Variants in KDM3B observed in about 807,000 individuals in gnomAD.
KDM3B encodes the protein lysine demethylase 3B, also known as lysine-specific demethylase 3B.
In KDM3B, 10 loss-of-function variants were observed where a neutral mutation model predicts 170.0. The ratio of observed to expected loss-of-function variants is 0.06; its 90% CI spans 0.04 to 0.10. KDM3B has a LOEUF of 0.10. Among genes scored for constraint, KDM3B ranks in the 10% least tolerant of loss-of-function variants. The pLI is 1.00. For missense variants in KDM3B, 1,394 were observed against 2,195.2 expected, an observed-to-expected ratio of 0.64 and a Z score of 7.29; for synonymous variants, 831 against 834.8, an observed-to-expected ratio of 1.00 and a Z score of 0.08.
At chr5:138,418,836 C>G in intron 13 of KDM3B, 117 bp from the exon 14 acceptor site, 1 of 953,044 alleles carries the variant, frequency 1.0e-6, no homozygotes, top group East Asian at 2.4e-5. Context: ...GTATGAAATG[C>G]CAGTTTACAT....
At position 138,419,091 on chromosome 5, in the gene KDM3B, C is replaced by T. The variant is rs1229551580; in HGVS notation, c.3574C>T (p.Leu1192=). ...DSTDIRSEEP[L]KTDSSASNSN... ...CACTGACATCAGATCTGAAGAGCCT[C>T]TGAAAACAGACAGTTCGGCATCAAA... The change falls in exon 14 of 24, where the codon CTG becomes TTG. Residue 1192 remains leucine (L), a synonymous_variant. Transcript: ENST00000314358. 4 of 1,614,114 alleles carry T rather than the reference C, an allele frequency of 2.5e-6. No individual in the cohort carries two copies. In the African/African-American group the frequency reaches 5.3e-5, roughly 22 times the overall value.
rs537065432 is a variant in KDM3B, at chr5:138,407,556, G to C, written c.3199+7544G>C. On this transcript the variant is annotated intron_variant, in intron 11 of 23. Transcript: ENST00000314358. The stretch of plus-strand genomic sequence containing the variant: ...CCTGGCACGAGATGATGAACCTCAG[G>C]TATTTACCCCAGACAACGTAGCTGC... Among the ~76,000 whole-genome samples, 3 of 152,114 alleles carry C rather than the reference G, an allele frequency of 2.0e-5. No individual in the cohort carries two copies. In the South Asian group the frequency reaches 6.2e-4, roughly 32 times the overall value.
At chr5:138,395,410 G>A (rs771473466) in intron 9 of KDM3B, among the ~76,000 whole-genome samples, 4 of 152,130 alleles carry the variant, frequency 2.6e-5, no homozygotes, top group African/African-American at 9.7e-5. Flanking sequence ...AGGCAGTGAG[G>A]TATCCCAGAA....
rs1763596113 is a variant in KDM3B at position 138,433,627 on chromosome 5, T to C, written c.5206-1993T>C. Among the ~76,000 whole-genome samples, 5 of 151,988 alleles carry C rather than the reference T, an allele frequency of 3.3e-5. 1 individual carries two copies. The highest frequency in any genetic ancestry group is 3.3e-4 in the Admixed American group (5 of 15,270). The stretch of plus-strand genomic sequence containing the variant: ...TTTCACCATTTTGGCAAGGCTGGTC[T>C]CGAACTCCCGACCTCAGGTGATCTG... On this transcript the variant is annotated intron_variant, in intron 23 of 23. Transcript: ENST00000314358.
chr5:138,422,819 A>G (rs1350061475), intron 15 of KDM3B, among the ~76,000 whole-genome samples: 1 of 152,210 alleles, frequency 6.6e-6, no homozygotes, highest in Non-Finnish European at 1.5e-5. Context: ...ATGTCCTGCA[A>G]ATCATTTCAA....
At chr5:138,367,930 T>C (rs1436634723) in intron 1 of KDM3B, among the ~76,000 whole-genome samples, 2 of 151,944 alleles carry the variant, frequency 1.3e-5, no homozygotes, top group Non-Finnish European at 2.9e-5. Flanking sequence ...GGAGAATCAC[T>C]TGAACCTGGG....
rs1254596643 is a variant in KDM3B at position 138,372,841 on chromosome 5, G to C, written c.360G>C (p.Leu120=). 1.2e-6 allele frequency: 2 copies of C among 1,611,556 alleles called. No homozygotes were observed. Among genetic ancestry groups the C allele is most frequent in the African/African-American group, 2.7e-5 (2 of 74,914 alleles). The change falls in exon 2 of 24, where the codon CTG becomes CTC. Residue 120 remains leucine, a splice_region_variant and synonymous_variant. Coordinates refer to ENST00000314358, the MANE Select transcript of KDM3B (RefSeq NM_016604.4). Reference sequence around the variant, plus strand: ...TCTCCATTGCACAATGGCCAGCCCTGGTGAGTGGCTTTTACTGGGTGGGAA... The same window carrying C: ...TCTCCATTGCACAATGGCCAGCCCTCGTGAGTGGCTTTTACTGGGTGGGAA... ...IRVSIAQWPA[L]TFTPLVDKLG...
At chr5:138,401,196 G>A (rs957286704) in intron 11 of KDM3B, among the ~76,000 whole-genome samples, 4 of 151,712 alleles carry the variant, frequency 2.6e-5, no homozygotes, top group African/African-American at 7.3e-5. Flanking sequence ...GCTTGAACCC[G>A]GGAGACGGAG....
At chr5:138,362,180 G>C (rs1761625487) in intron 1 of KDM3B, among the ~76,000 whole-genome samples, 1 of 151,906 alleles carries the variant, frequency 6.6e-6, no homozygotes, top group Non-Finnish European at 1.5e-5. Context: ...AATTAGCCGG[G>C]CATGGTGGCG....
In KDM3B at chr5:138,419,027, A is replaced by T. The variant is rs1763182482; in HGVS notation, c.3510A>T (p.Val1170=). 6.2e-7 allele frequency: 1 copy of T among 1,614,092 alleles called. No homozygotes were observed. Among genetic ancestry groups the T allele is most frequent in the African/African-American group, 1.3e-5 (1 of 74,930 alleles). The part of the protein sequence containing the change: ...TFSGGGGPAP[V]TTPEPDHVPK... ...CTGGTGGAGGAGGACCGGCACCAGTAACAACTCCAGAGCCGGACCATGTTC... is the reference window on the plus strand; with the variant it reads ...CTGGTGGAGGAGGACCGGCACCAGTTACAACTCCAGAGCCGGACCATGTTC... The change falls in exon 14 of 24, where the codon GTA becomes GTT. Residue 1170 remains valine (V), a synonymous_variant. Transcript: ENST00000314358.
chr5:138,354,038 C>G (rs1351071893), intron 1 of KDM3B, among the ~76,000 whole-genome samples: 1 of 152,092 alleles, frequency 6.6e-6, no homozygotes. Flanking sequence ...GATGAACTTG[C>G]TTTTGCAGAT....
intron 16 of KDM3B, 101 bp from the exon 17 acceptor site, chr5:138,425,310 G>A: frequency 9.8e-7 from 1 of 1,020,352 alleles, no homozygotes; most frequent in Non-Finnish European, 1.4e-6. Flanking sequence ...GCTTCCTGGA[G>A]AAGAGGAGGC....
chr5:138,381,935 C>G (rs1379392655), intron 6 of KDM3B, among the ~76,000 whole-genome samples: 6 of 150,122 alleles, frequency 4.0e-5, no homozygotes, highest in South Asian at 2.1e-4. Context: ...TACCAAGTAA[C>G]AAGAAGTGAA....
At chr5:138,358,986 T>A in intron 1 of KDM3B, among the ~76,000 whole-genome samples, 1 of 139,480 alleles carries the variant, frequency 7.2e-6, no homozygotes, top group African/African-American at 2.7e-5. Flanking sequence ...ATGTTCCCCT[T>A]CCTGTGTCCA....
At chr5:138,431,858 G>A (rs932740618) in intron 23 of KDM3B, among the ~76,000 whole-genome samples, 28 of 151,664 alleles carry the variant, frequency 1.8e-4, no homozygotes, top group African/African-American at 6.5e-4. Flanking sequence ...GTTGCAGTGA[G>A]CTGAGATCAT....
At chr5:138,367,797 G>A (rs904875738) in intron 1 of KDM3B, among the ~76,000 whole-genome samples, 2 of 151,990 alleles carry the variant, frequency 1.3e-5, no homozygotes, top group African/African-American at 2.4e-5. Context: ...GGTGGATCAC[G>A]AGGTCAGGAG....
intron 1 of KDM3B, among the ~76,000 whole-genome samples, chr5:138,369,068 AGAACT>A (rs1761812115): frequency 6.6e-6 from 1 of 152,206 alleles, no homozygotes; most frequent in Non-Finnish European, 1.5e-5. Context: ...TTGGCAGTTT[AGAACT>A]ATACATCATG....
chr5:138,370,587 A>G (rs910125725), intron 1 of KDM3B, among the ~76,000 whole-genome samples: 3 of 152,104 alleles, frequency 2.0e-5, no homozygotes, highest in Non-Finnish European at 4.4e-5. Flanking sequence ...TAAGTTTTTA[A>G]TGGATTTGAA....
At chr5:138,368,233 TTC>T (rs1761791650) in intron 1 of KDM3B, among the ~76,000 whole-genome samples, 1 of 150,872 alleles carries the variant, frequency 6.6e-6, no homozygotes, top group Non-Finnish European at 1.5e-5. Flanking sequence ...TTTTCTTTCT[TTC>T]TTTTTTTTTT....
Sources: allele counts gnomAD v4.1 joint callset (sites outside exome capture counted in the v4.1 genomes callset), GRCh38; gene constraint gnomAD v4.1.1; transcripts MANE v1.5; gene names NCBI Gene and HGNC (gene_info 2026-07-23, HGNC 2026-07-21).